The following SYN3 variants were observed in gnomAD, a reference collection of about 807,000 sequenced individuals.
SYN3 encodes the protein synapsin-3.
Under a neutral mutation model 65.8 loss-of-function variants are expected in SYN3, and 35 were observed. That is an observed-to-expected ratio of 0.53 (90% confidence interval 0.41 to 0.70). The LOEUF (loss-of-function observed/expected upper bound fraction) is 0.70. Ranked by LOEUF, SYN3 falls within the 30% of genes least tolerant of loss-of-function variation. The pLI is 0.00. For missense variants in SYN3, 680 were observed against 749.0 expected (o/e 0.91, Z 1.08); for synonymous variants, 270 against 292.9 (o/e 0.92, Z 0.80).
At chr22:32,967,838 G>C (rs1335683013) in intron 3 of SYN3, among the ~76,000 whole-genome samples, 1 of 152,244 alleles carries the variant, frequency 6.6e-6, no homozygotes, top group Non-Finnish European at 1.5e-5. Context: ...TCATCAGGGA[G>C]TGGGCCAGAC....
intron 4 of SYN3, among the ~76,000 whole-genome samples, chr22:32,905,436 G>A (rs181766429): frequency 4.6e-5 from 7 of 152,328 alleles, no homozygotes; most frequent in Admixed American, 1.3e-4. Flanking sequence ...GACAAAGGGG[G>A]ACAGAGGGAA....
At chr22:32,639,235 G>T (rs1009314305) in intron 6 of SYN3, among the ~76,000 whole-genome samples, 10 of 152,198 alleles carry the variant, frequency 6.6e-5, no homozygotes, top group Non-Finnish European at 1.2e-4. Context: ...TTACAGGCAT[G>T]AGCCACCACG....
rs1468463833 is a variant in SYN3 at position 32,509,595 on chromosome 22, G to A, written c.*4097C>T. 2.6e-5 allele frequency among the ~76,000 whole-genome samples: 4 copies of A among 151,840 alleles called. No individual in the cohort carries two copies. The highest frequency in any genetic ancestry group is 9.7e-5 in the African/African-American group (4 of 41,278). On this transcript the variant is annotated 3_prime_UTR_variant, in exon 14 of 14. Coordinates refer to ENST00000358763, the MANE Select transcript of SYN3 (RefSeq NM_003490.4). ...ATTATTATTATTATTTTGAGACAGA[G>A]TCTCACTCTGTTGCCCAGGCTGGAG...
At chr22:32,970,936 G>A (rs966043785) in intron 3 of SYN3, among the ~76,000 whole-genome samples, 9 of 152,180 alleles carry the variant, frequency 5.9e-5, no homozygotes, top group African/African-American at 2.2e-4. Context: ...AGCCAGACCT[G>A]GGTTCAAATC....
chr22:32,579,504 A>G (rs7290476), intron 7 of SYN3, among the ~76,000 whole-genome samples: 2,997 of 152,300 alleles, frequency 0.02, 102 homozygotes, highest in African/African-American at 0.068. Context: ...AGTCCTCATG[A>G]CTTAATCACT....
At chr22:32,777,230 ATCCTTCGTG>A (rs1288182576) in intron 6 of SYN3, among the ~76,000 whole-genome samples, 13 of 152,082 alleles carry the variant, frequency 8.5e-5, no homozygotes, top group African/African-American at 3.1e-4. Context: ...TATCGAAAGC[ATCCTTCGTG>A]TCCCAGCTGT....
chr22:32,699,516 A>G (rs1398409257), intron 6 of SYN3, among the ~76,000 whole-genome samples: 7 of 152,018 alleles, frequency 4.6e-5, no homozygotes, highest in Non-Finnish European at 1.0e-4. Flanking sequence ...GATGAGATTT[A>G]GGGTGGTGTG....
intron 1 of SYN3, among the ~76,000 whole-genome samples, chr22:33,054,987 T>C (rs2054231732): frequency 6.6e-6 from 1 of 152,192 alleles, no homozygotes; most frequent in African/African-American, 2.4e-5. Context: ...TCCAACACTA[T>C]TGCTGTCCTC....
chr22:32,884,746 A>T (rs1394376480), intron 4 of SYN3, among the ~76,000 whole-genome samples: 1 of 152,134 alleles, frequency 6.6e-6, no homozygotes, highest in African/African-American at 2.4e-5. Context: ...GTGTGGTGGC[A>T]CGTGCCTGTA....
chr22:32,862,320 C>G (rs766333710), intron 6 of SYN3: 2 of 152,284 alleles, frequency 1.3e-5, no homozygotes, highest in Non-Finnish European at 2.9e-5. Context: ...TCTCAGCTCT[C>G]GGGCCAGTGC....
At chr22:32,947,747 T>C (rs566002307) in intron 3 of SYN3, among the ~76,000 whole-genome samples, 21 of 152,312 alleles carry the variant, frequency 1.4e-4, no homozygotes, top group Admixed American at 4.6e-4. Flanking sequence ...ATATTAGTCT[T>C]CTATTGCTGC....
chr22:32,683,056 C>T (rs1218570027), intron 6 of SYN3, among the ~76,000 whole-genome samples: 1 of 152,132 alleles, frequency 6.6e-6, no homozygotes, highest in South Asian at 2.1e-4. Flanking sequence ...GAAGGTCATC[C>T]ATGCAAGAGT....
chr22:32,954,168 A>C (rs959999397), intron 3 of SYN3, among the ~76,000 whole-genome samples: 2 of 152,162 alleles, frequency 1.3e-5, no homozygotes, highest in Non-Finnish European at 2.9e-5. Context: ...CCTGAGAATC[A>C]AAGTAAAACA....
At chr22:32,780,059 A>G (rs2045997006) in intron 6 of SYN3, among the ~76,000 whole-genome samples, 2 of 143,460 alleles carry the variant, frequency 1.4e-5, no homozygotes, top group Non-Finnish European at 1.5e-5. Flanking sequence ...ACAGAGTGAG[A>G]TTCTGTCTCA....
chr22:32,887,611 A>G (rs1186959935), intron 4 of SYN3, among the ~76,000 whole-genome samples: 1 of 152,186 alleles, frequency 6.6e-6, no homozygotes, highest in Non-Finnish European at 1.5e-5. Flanking sequence ...GGCCCCCACA[A>G]ACTGTGAGAT....
intron 6 of SYN3, among the ~76,000 whole-genome samples, chr22:32,724,873 C>A (rs1262835097): frequency 2.0e-5 from 3 of 152,176 alleles, no homozygotes; most frequent in Non-Finnish European, 4.4e-5. Flanking sequence ...GTAATCCCAG[C>A]ACTTTGGGAG....
intron 3 of SYN3, among the ~76,000 whole-genome samples, chr22:32,932,593 T>C (rs1460806913): frequency 6.6e-6 from 1 of 152,208 alleles, no homozygotes; most frequent in South Asian, 2.1e-4. Context: ...GGGATGTTTA[T>C]GTGCCAGCTA....
chr22:32,691,523 C>T (rs713867), intron 6 of SYN3, among the ~76,000 whole-genome samples: 14 of 151,922 alleles, frequency 9.2e-5, no homozygotes, highest in Non-Finnish European at 1.8e-4. Context: ...TTTGCCTTCC[C>T]GGAAAGTATG....
intron 4 of SYN3, among the ~76,000 whole-genome samples, chr22:32,883,382 GGAGCAGCTTTCTA>G (rs2049196455): frequency 6.6e-6 from 1 of 152,198 alleles, no homozygotes; most frequent in Non-Finnish European, 1.5e-5. Flanking sequence ...GCAGAGGGTA[GGAGCAGCTTTCTA>G]GAAAGCCCTC....
Sources: gnomAD v4.1 joint callset for allele counts (sites outside exome capture counted in the v4.1 genomes callset) on GRCh38, gnomAD v4.1.1 for gene constraint, MANE v1.5 for transcripts, NCBI Gene and HGNC (gene_info 2026-07-23, HGNC 2026-07-21) for gene names.